SLC9A6: variants seen among roughly 807,000 people sequenced by gnomAD.
SLC9A6 encodes the protein sodium/hydrogen exchanger 6.
In SLC9A6, 6 loss-of-function variants were observed where a neutral mutation model predicts 45.3. The ratio of observed to expected loss-of-function variants is 0.13; its 90% CI spans 0.07 to 0.26. The LOEUF is 0.26. SLC9A6 is among the 10% of genes least tolerant of loss of function. The pLI is 1.00. For missense variants in SLC9A6, 278 were observed against 503.7 expected, an observed-to-expected ratio of 0.55 and a Z score of 4.29; for synonymous variants, 191 against 187.7, an observed-to-expected ratio of 1.02 and a Z score of -0.14.
At chrX:135,977,739 C>T (rs1169202316) in intron 1 of SLC9A6, among the ~76,000 whole-genome samples, 2 of 110,375 alleles carry the variant, frequency 1.8e-5, no homozygotes, top group East Asian at 2.8e-4. Context: ...GTGGTATGAG[C>T]TCATTGTAAG....
intron 15 of SLC9A6, among the ~76,000 whole-genome samples, chrX:136,032,741 A>G (rs1002876517): frequency 6.2e-5 from 7 of 112,658 alleles, no homozygotes; most frequent in African/African-American, 2.3e-4. Context: ...TGAAGTTGCT[A>G]GTTATTTTCG....
intron 7 of SLC9A6, among the ~76,000 whole-genome samples, chrX:136,008,997 A>T (rs1010405341): frequency 8.9e-5 from 10 of 112,219 alleles, no homozygotes; most frequent in African/African-American, 3.2e-4. Context: ...AAGCAACCTC[A>T]GGAGGCATGG....
At chrX:136,036,987 G>GAATTGC (rs2071423112) in intron 16 of SLC9A6, among the ~76,000 whole-genome samples, 1 of 112,269 alleles carries the variant, frequency 8.9e-6, no homozygotes, top group South Asian at 3.7e-4. Context: ...TTACCCCACT[G>GAATTGC]AATTGCAGTA....
chrX:135,988,794 G>A (rs2089385697), intron 2 of SLC9A6, among the ~76,000 whole-genome samples: 1 of 108,031 alleles, frequency 9.3e-6, no homozygotes, highest in Non-Finnish European at 1.9e-5. Flanking sequence ...GTGGTGACGC[G>A]AGTGTGGGGG....
At chrX:135,978,696 ATCT>A (rs2089273707) in intron 1 of SLC9A6, among the ~76,000 whole-genome samples, 2 of 111,524 alleles carry the variant, frequency 1.8e-5, no homozygotes, top group South Asian at 7.5e-4. Flanking sequence ...GACACTGCAA[ATCT>A]TATTTGCTTT....
chrX:136,036,698 TACAG>T (rs1212406123), intron 16 of SLC9A6, among the ~76,000 whole-genome samples: 2 of 112,732 alleles, frequency 1.8e-5, no homozygotes, highest in Non-Finnish European at 3.7e-5. Flanking sequence ...AAGTTTTTTA[TACAG>T]ACAGGTTCTC....
chrX:136,017,078 A>G (rs1018656598), intron 11 of SLC9A6, among the ~76,000 whole-genome samples: 6 of 111,638 alleles, frequency 5.4e-5, no homozygotes, highest in Admixed American at 9.6e-5. Flanking sequence ...TTAGCAGTCT[A>G]TGCCACAGGG....
intron 16 of SLC9A6, among the ~76,000 whole-genome samples, chrX:136,038,287 C>T (rs1180597046): frequency 9.0e-6 from 1 of 111,187 alleles, no homozygotes; most frequent in Non-Finnish European, 1.9e-5. Context: ...TTTTCTGCAT[C>T]GAGATGATCA....
intron 4 of SLC9A6, 120 bp downstream of exon 4, chrX:135,998,305 C>A: frequency 1.7e-6 from 1 of 572,493 alleles, no homozygotes. Context: ...CTCTCCTTAT[C>A]CTTTTTAGAT....
At chrX:135,985,991 C>T (rs1268591450) in intron 2 of SLC9A6, among the ~76,000 whole-genome samples, 164 bp downstream of exon 2, 1 of 109,647 alleles carries the variant, frequency 9.1e-6, no homozygotes, top group Non-Finnish European at 1.9e-5. Context: ...TCTGCCTCAC[C>T]CCCTTTCCTC....
At chrX:136,043,954 C>T (rs2071555361) in intron 17 of SLC9A6, among the ~76,000 whole-genome samples, 1 of 111,674 alleles carries the variant, frequency 9.0e-6, no homozygotes, top group Admixed American at 9.6e-5. Context: ...TCCTGCCACA[C>T]ACTAGACTCT....
intron 3 of SLC9A6, among the ~76,000 whole-genome samples, chrX:135,997,554 C>T (rs1477710732): frequency 9.6e-6 from 1 of 103,633 alleles, no homozygotes; most frequent in East Asian, 3.1e-4. Flanking sequence ...ATTACAGGCA[C>T]ACGCCACCAC....
upstream of SLC9A6, among the ~76,000 whole-genome samples, chrX:135,982,622 C>T (rs944584719): frequency 2.7e-5 from 3 of 110,546 alleles, no homozygotes; most frequent in Non-Finnish European, 5.7e-5. Flanking sequence ...TACAGGCACG[C>T]GCCACCATGC....
rs1456862055 is a variant in SLC9A6 at position 136,045,381 on chromosome X, T to A, written c.*657T>A. The A allele has an allele frequency of 8.9e-6, 1 of 112,891 alleles. No homozygotes were observed. The highest frequency in any genetic ancestry group is 3.3e-5 in the African/African-American group (1 of 30,724). The allele number at this position is 112,891 out of a possible 1,213,427, so 9.3% of individuals were successfully genotyped here. A position where few individuals can be genotyped will look rare whatever the true frequency, so the allele number is the denominator to read the frequency against. On this transcript the variant is annotated 3_prime_UTR_variant, in exon 18 of 18. Transcript: ENST00000630721. ...AGAAAAGAAGGCTGCAAATGACTTC[T>A]GAGACTTTATGTCTTTTCTTCCAGA...
intron 15 of SLC9A6, chrX:136,030,418 C>G (rs994153441): frequency 5.2e-6 from 2 of 384,834 alleles, no homozygotes; most frequent in African/African-American, 5.1e-5. Context: ...GCTTTTGTCC[C>G]AGAGGAGAGC....
At chrX:136,030,424 A>G (rs1556620986) in intron 15 of SLC9A6, 2 of 382,083 alleles carry the variant, frequency 5.2e-6, no homozygotes, top group Non-Finnish European at 9.2e-6. Flanking sequence ...GTCCCAGAGG[A>G]GAGCAGTCTT....
chrX:136,035,858 A>G (rs1416925477), intron 16 of SLC9A6, among the ~76,000 whole-genome samples: 2 of 109,217 alleles, frequency 1.8e-5, no homozygotes, highest in Non-Finnish European at 3.8e-5. Flanking sequence ...GGCTCAAGTG[A>G]TCCTCTAAAC....
At chrX:136,036,545 ACT>A (rs1352063036) in intron 16 of SLC9A6, among the ~76,000 whole-genome samples, 4 of 110,967 alleles carry the variant, frequency 3.6e-5, no homozygotes, top group Non-Finnish European at 1.9e-5. Flanking sequence ...ATAAGTTCCC[ACT>A]CTCTCACCCA....
At chrX:136,024,545 T>A in intron 13 of SLC9A6, 62 bp downstream of exon 13, 1 of 1,031,913 alleles carries the variant, frequency 9.7e-7, no homozygotes, top group South Asian at 1.9e-5. Flanking sequence ...TTTTTCTGCC[T>A]GTTTTCAATT....
Sources: allele counts gnomAD v4.1 joint callset (sites outside exome capture counted in the v4.1 genomes callset), GRCh38; gene constraint gnomAD v4.1.1; transcripts MANE v1.5; gene names NCBI Gene and HGNC (gene_info 2026-07-23, HGNC 2026-07-21).